Variants in NBAS observed in about 807,000 individuals in gnomAD.
NBAS encodes the protein NAG/BC035112 fusion.
In NBAS, 219 loss-of-function variants were observed where a neutral mutation model predicts 302.5. The ratio of observed to expected loss-of-function variants is 0.72; its 90% CI spans 0.65 to 0.81. The LOEUF (loss-of-function observed/expected upper bound fraction) is 0.81. NBAS is among the 30% of genes least tolerant of loss of function. NBAS has a pLI of 0.00. For synonymous variants in NBAS, 1,118 were observed against 1,021.6 expected (o/e 1.09, Z -1.80); for missense variants, 2,932 against 2,841.6 (o/e 1.03, Z -0.72).
chr2:15,116,859 T>C, the NBAS span, among the ~76,000 whole-genome samples: 4 of 152,198 alleles, frequency 2.6e-5, no homozygotes, highest in Admixed American at 1.3e-4. Context: ...TTAATACATA[T>C]ATAGGTTAGA....
chr2:14,796,919 C>CAAAA, the NBAS span, among the ~76,000 whole-genome samples: 19,217 of 85,874 alleles, frequency 0.22, 1,940 homozygotes, highest in East Asian at 0.31. Context: ...CTAAAAAATA[C>CAAAA]AAAAAAAAAA....
chr2:15,241,771 C>T (rs1667876707), intron 44 of NBAS, among the ~76,000 whole-genome samples: 1 of 152,120 alleles, frequency 6.6e-6, no homozygotes, highest in Non-Finnish European at 1.5e-5. Context: ...ATAAATTTGT[C>T]ACATGTTTCC....
chr2:15,240,534 G>A (rs1368105113), intron 44 of NBAS, among the ~76,000 whole-genome samples: 10 of 151,810 alleles, frequency 6.6e-5, no homozygotes, highest in African/African-American at 1.7e-4. Flanking sequence ...GGAGAATGGC[G>A]TGAACCCGGC....
chr2:15,155,911 G>A, the NBAS span, among the ~76,000 whole-genome samples: 1 of 152,142 alleles, frequency 6.6e-6, no homozygotes, highest in Admixed American at 6.5e-5. Flanking sequence ...GGTGTTATTC[G>A]GTGCCAAGGC....
Position 15,287,157 on chromosome 2 carries a change from A to AT in NBAS, c.5053dup (p.Ile1685AsnfsTer36). ...GTAACGTTGTGCCAGAGAAATAGCA[A>AT]TGCTGTAGACGCTTTCCTCTAGAGT... On this transcript the variant is annotated frameshift_variant, in exon 42 of 52. Transcript: ENST00000281513. LOFTEE classifies it high-confidence loss of function. 1.2e-6 allele frequency: 2 copies of AT among 1,614,030 alleles called. No individual in the cohort carries two copies. Among genetic ancestry groups the AT allele is most frequent in the Non-Finnish European group, 1.7e-6 (2 of 1,179,906 alleles).
chr2:14,896,653 A>G, the NBAS span, among the ~76,000 whole-genome samples: 1 of 152,080 alleles, frequency 6.6e-6, no homozygotes, highest in African/African-American at 2.4e-5. Flanking sequence ...ACTGTACATC[A>G]GTACTGCAGC....
the NBAS span, among the ~76,000 whole-genome samples, chr2:14,920,269 AG>A: frequency 6.6e-6 from 1 of 152,192 alleles, no homozygotes; most frequent in Admixed American, 6.5e-5. Flanking sequence ...TCTGGGCAGT[AG>A]GTCTCAAGAG....
the NBAS span, among the ~76,000 whole-genome samples, chr2:14,942,677 G>A: frequency 6.6e-6 from 1 of 152,194 alleles, no homozygotes; most frequent in Admixed American, 6.5e-5. Context: ...GGGGAAAGGT[G>A]GAGTGTCACA....
At chr2:14,974,482 A>T in the NBAS span, among the ~76,000 whole-genome samples, 14 of 152,222 alleles carry the variant, frequency 9.2e-5, no homozygotes, top group African/African-American at 3.1e-4. Flanking sequence ...TTGATCAGCC[A>T]ATGTTAGAAC....
the NBAS span, among the ~76,000 whole-genome samples, chr2:14,861,226 T>C: frequency 6.6e-6 from 1 of 152,226 alleles, no homozygotes; most frequent in African/African-American, 2.4e-5. Flanking sequence ...ATGAATCTAA[T>C]TCAGATAACG....
the NBAS span, among the ~76,000 whole-genome samples, chr2:15,091,193 G>A: frequency 2.6e-5 from 4 of 152,150 alleles, no homozygotes; most frequent in Non-Finnish European, 4.4e-5. Context: ...ACAAGAACTC[G>A]ATGGGAAACT....
At chr2:14,810,955 A>G in the NBAS span, among the ~76,000 whole-genome samples, 3 of 152,208 alleles carry the variant, frequency 2.0e-5, no homozygotes, top group African/African-American at 7.2e-5. Context: ...AAGCTACCAA[A>G]TGGAGTGCCT....
rs1485546301 is a variant in NBAS at position 15,461,333 on chromosome 2, C to A, written c.2207G>T (p.Ser736Ile). 1.1e-5 allele frequency: 18 copies of A among 1,611,708 alleles called. No homozygotes were observed. The highest frequency in any genetic ancestry group is 1.5e-5 in the Non-Finnish European group (18 of 1,177,912). The change falls in exon 21 of 52, where the codon AGT becomes ATT. Residue 736 changes from serine to isoleucine, a missense_variant. Coordinates refer to ENST00000281513, the MANE Select transcript of NBAS (RefSeq NM_015909.4). ...VLSARTYAQE[S>I]NVQALEILFT... ...CAGAATTTCCAGGGCTTGTACATTA[C>A]TTTCCTGTACAAAAGGCAAGGGGTA... is the stretch of plus-strand genomic sequence containing the variant.
chr2:15,159,364 G>A, the NBAS span, among the ~76,000 whole-genome samples: 1 of 152,202 alleles, frequency 6.6e-6, no homozygotes, highest in Non-Finnish European at 1.5e-5. Flanking sequence ...GGTTATGAAC[G>A]AGGTGTTATG....
chr2:14,900,789 T>C, the NBAS span, among the ~76,000 whole-genome samples: 1 of 152,164 alleles, frequency 6.6e-6, no homozygotes, highest in Non-Finnish European at 1.5e-5. Flanking sequence ...GCACAGGGCA[T>C]AGTAACTAGC....
intron 13 of NBAS, among the ~76,000 whole-genome samples, 169 bp downstream of exon 13, chr2:15,478,057 T>C (rs1192555249): frequency 3.0e-5 from 1 of 32,956 alleles, no homozygotes; most frequent in South Asian, 7.1e-4. Flanking sequence ...TAGGAAAGCC[T>C]GACCATCAGA....
intron 23 of NBAS, among the ~76,000 whole-genome samples, chr2:15,418,780 A>G (rs560408878): frequency 6.6e-6 from 1 of 152,276 alleles, no homozygotes; most frequent in South Asian, 2.1e-4. Flanking sequence ...CGTGACTGAA[A>G]AGAAGGTGTG....
chr2:15,338,674 TACACACAC>T (rs70961409), intron 35 of NBAS, among the ~76,000 whole-genome samples: 1,939 of 134,842 alleles, frequency 0.014, 48 homozygotes, highest in East Asian at 0.12. Flanking sequence ...AACACACACA[TACACACAC>T]ACACACACAC....
chr2:14,848,128 G>T, the NBAS span, among the ~76,000 whole-genome samples: 5 of 152,060 alleles, frequency 3.3e-5, no homozygotes, highest in South Asian at 1.0e-3. Context: ...CGTGAGCGAC[G>T]CAGAAGACGG....
Sources: gnomAD v4.1 joint callset for allele counts (sites outside exome capture counted in the v4.1 genomes callset) on GRCh38, gnomAD v4.1.1 for gene constraint, MANE v1.5 for transcripts, NCBI Gene and HGNC (gene_info 2026-07-23, HGNC 2026-07-21) for gene names.